The following WNT9A variants were observed in gnomAD, a reference collection of about 807,000 sequenced individuals.
WNT9A encodes the protein protein Wnt-9a.
In WNT9A, 8 loss-of-function variants were observed where a neutral mutation model predicts 31.4. That is an observed-to-expected ratio of 0.26 (90% confidence interval 0.15 to 0.46). WNT9A has a LOEUF of 0.46. Ranked by LOEUF, WNT9A falls within the 20% of genes least tolerant of loss-of-function variation. WNT9A has a pLI of 0.99. For missense variants in WNT9A, 457 were observed against 522.9 expected, an observed-to-expected ratio of 0.87 and a Z score of 1.23; for synonymous variants, 236 against 220.1, an observed-to-expected ratio of 1.07 and a Z score of -0.64.
chr1:227,925,243 G>T lies in WNT9A; in HGVS notation c.352+20C>A. 1.3e-6 allele frequency: 2 copies of T among 1,521,592 alleles called. No homozygotes were observed. The highest frequency in any genetic ancestry group is 2.4e-5 in the East Asian group (1 of 41,616). The allele number at this position is 1,521,592 out of a possible 1,614,324, so 94.3% of individuals were successfully genotyped here. ...CCACCTGTCTGGGGCCTTCCTGAGG[G>T]CCAGGCCGGCCACACTCACCTCGCT... On this transcript the variant is annotated intron_variant, in intron 2 of 3. Transcript: ENST00000272164. The surrounding 1 kb of genome is among the most constrained non-coding windows in gnomAD (Gnocchi z 6.0).
At chr1:227,924,085 C>CCCCCCCCCCTTTTT in intron 3 of WNT9A, 53 bp downstream of exon 3, 1 of 1,063,498 alleles carries the variant, frequency 9.4e-7, no homozygotes, top group Non-Finnish European at 1.3e-6. Flanking sequence ...CCCCAACCCC[C>CCCCCCCCCCTTTTT]TGACGCTCTT....
Position 227,921,759 on chromosome 1 carries a change from G to C in WNT9A, c.857C>G (p.Thr286Ser). 1 of 1,612,484 alleles carries C rather than the reference G, an allele frequency of 6.2e-7. No homozygotes were observed. The highest frequency in any genetic ancestry group is 8.5e-7 in the Non-Finnish European group (1 of 1,179,742). The change falls in exon 4 of 4, where the codon ACT becomes AGT. Residue 286 changes from threonine (T) to serine (S), a missense_variant. By Grantham distance (58) the Thr-to-Ser change is moderately conservative. Coordinates refer to ENST00000272164, the MANE Select transcript of WNT9A (RefSeq NM_003395.4). ...GTCATCCAGGTGCACCAGCTCTGGA[G>C]TGCGGGGCAGCGGGTCGCTGCCACC... is the stretch of plus-strand genomic sequence containing the variant. ...GAGGSDPLPR[T>S]PELVHLDDSP...
In WNT9A at chr1:227,926,859, G is replaced by A. The variant is rs186531275; in HGVS notation, c.96-1340C>T. ...AGTAGCTCCTGCCCAACGGTATGGA[G>A]GGGAGGGGCCCAAGAGGCTCCCTAG... is the stretch of plus-strand genomic sequence containing the variant. On this transcript the variant is annotated intron_variant, in intron 1 of 3. Coordinates refer to ENST00000272164, the MANE Select transcript of WNT9A (RefSeq NM_003395.4). This position sits in a 1 kb window ranked among gnomAD's most constrained non-coding sequence, Gnocchi z 5.0. 7.2e-5 allele frequency among the ~76,000 whole-genome samples: 11 copies of A among 152,194 alleles called. No homozygotes were observed. The highest frequency in any genetic ancestry group is 1.6e-4 in the Non-Finnish European group (11 of 67,980).
chr1:227,922,452 C>A (rs986941172), intron 3 of WNT9A, among the ~76,000 whole-genome samples: 2 of 152,236 alleles, frequency 1.3e-5, no homozygotes, highest in Admixed American at 6.5e-5. Flanking sequence ...GAGCTGACCG[C>A]AACCTCCCTA....
At position 227,924,378 on chromosome 1, in the gene WNT9A, G is replaced by T; in HGVS notation, c.375C>A (p.Leu125=). 1 of 1,611,408 alleles carries T rather than the reference G, an allele frequency of 6.2e-7. No homozygotes were observed. ...TCAGGCCAGCCGAGGAGATGGCATA[G>T]AGGAAGGCAGTCTCCTTGAAGCCTG... ...LKRGFKETAF[L]YAISSAGLTH... The change falls in exon 3 of 4, where the codon CTC becomes CTA. Residue 125 remains leucine, a synonymous_variant. Coordinates refer to ENST00000272164, the MANE Select transcript of WNT9A (RefSeq NM_003395.4).
At chr1:227,927,900 TAAG>T (rs1235872880) in intron 1 of WNT9A, among the ~76,000 whole-genome samples, 3 of 139,878 alleles carry the variant, frequency 2.1e-5, no homozygotes, top group African/African-American at 5.4e-5. Flanking sequence ...GGGAGGGCAC[TAAG>T]AAGAAGATGG....
chr1:227,943,817 A>G (rs1666751996), intron 1 of WNT9A, among the ~76,000 whole-genome samples: 2 of 152,154 alleles, frequency 1.3e-5, no homozygotes, highest in Admixed American at 6.5e-5. Flanking sequence ...TCTACAAAAA[A>G]TAAAATTTAA....
At chr1:227,936,261 T>C (rs1191424560) in intron 1 of WNT9A, among the ~76,000 whole-genome samples, 1 of 152,178 alleles carries the variant, frequency 6.6e-6, no homozygotes, top group Non-Finnish European at 1.5e-5. Context: ...CCATCTCAGA[T>C]CACTGCAACT....
chr1:227,932,378 C>G (rs987554773), intron 1 of WNT9A, among the ~76,000 whole-genome samples: 4 of 152,210 alleles, frequency 2.6e-5, no homozygotes, highest in Non-Finnish European at 5.9e-5. Flanking sequence ...ACTTCCAATT[C>G]TCATTCTCTT....
In WNT9A at chr1:227,920,230, C is replaced by T. The variant is rs1666287648; in HGVS notation, c.*1288G>A. 6.6e-6 allele frequency: 1 copy of T among 152,248 alleles called. No homozygotes were observed. Among genetic ancestry groups the T allele is most frequent in the Admixed American group, 6.5e-5 (1 of 15,280 alleles). The allele number at this position is 152,248 out of a possible 1,614,324, so 9.4% of individuals were successfully genotyped here. On this transcript the variant is annotated 3_prime_UTR_variant, in exon 4 of 4. Transcript: ENST00000272164. ...GCATGGGGCTGGGGGAGCTGGCTTC[C>T]AGAAGCCCCAAGGGCTGTGGCCAGA... is the stretch of plus-strand genomic sequence containing the variant.
rs181832577 is a variant in WNT9A, at chr1:227,942,782, C to T, written c.95+5011G>A. On this transcript the variant is annotated intron_variant, in intron 1 of 3. Coordinates refer to ENST00000272164, the MANE Select transcript of WNT9A (RefSeq NM_003395.4). The surrounding 1 kb of genome is among the most constrained non-coding windows in gnomAD (Gnocchi z 5.7). ...GGTGGGTCTCCAGGACAGTGCCTGC[C>T]CAAACCTAAGCCTGAGCTCTCAGCT... 0.01 allele frequency among the ~76,000 whole-genome samples: 1,542 copies of T among 152,284 alleles called. 26 individuals carry two copies. Among genetic ancestry groups the T allele is most frequent in the East Asian group, 0.029 (148 of 5,166 alleles).
chr1:227,947,073 G>T (rs546095663), intron 1 of WNT9A, among the ~76,000 whole-genome samples: 1 of 152,214 alleles, frequency 6.6e-6, no homozygotes, highest in African/African-American at 2.4e-5. Context: ...CTCAGAGAGG[G>T]GGAGGGAAGA....
rs568522843 is a variant in WNT9A, at chr1:227,921,713, A to G, written c.903T>C (p.Ala301=). 1.2e-6 allele frequency: 2 copies of G among 1,612,742 alleles called. No individual in the cohort carries two copies. The highest frequency in any genetic ancestry group is 1.7e-5 in the Admixed American group (1 of 59,988). The change falls in exon 4 of 4, where the codon GCT becomes GCC. Residue 301 remains alanine (A), a synonymous_variant. Coordinates refer to ENST00000272164, the MANE Select transcript of WNT9A (RefSeq NM_003395.4). Reference sequence around the variant, plus strand: ...CAGCGGTGCCCGGGGAGAAGCGGCCAGCCAGGCAGAAGCTAGGCGAGTCAT... The same window carrying G: ...CAGCGGTGCCCGGGGAGAAGCGGCCGGCCAGGCAGAAGCTAGGCGAGTCAT... ...HLDDSPSFCL[A]GRFSPGTAGR...
chr1:227,921,639 C>T lies in WNT9A; in HGVS notation c.977G>A (p.Arg326His), dbSNP rs768307025. The change falls in exon 4 of 4, where the codon CGC becomes CAC. Residue 326 changes from arginine to histidine, a missense_variant. Transcript: ENST00000272164. ...CACCCGGCTCTGTGTGTTATGGCCG[C>T]GGCCACAGCAGATGCTCTCGCAGTT... ...EKNCESICCG[R>H]GHNTQSRVVT... 7.4e-6 allele frequency: 12 copies of T among 1,613,270 alleles called. No homozygotes were observed. The highest frequency in any genetic ancestry group is 4.0e-5 in the African/African-American group (3 of 74,920).
chr1:227,938,738 C>G lies in WNT9A; in HGVS notation c.95+9055G>C, dbSNP rs1666642758. On this transcript the variant is annotated intron_variant, in intron 1 of 3. Transcript: ENST00000272164. ...CTTTAGTTGTTTCAAGCAGAAAAGC[C>G]TCTGAGTCTTGTGGGCCTGTTGCTG... Among the ~76,000 whole-genome samples, 4 of 152,280 alleles carry G rather than the reference C, an allele frequency of 2.6e-5. No individual in the cohort carries two copies. The South Asian group carries it at 8.3e-4, about 32-fold the overall frequency.
chr1:227,933,399 A>G (rs1009207188), intron 1 of WNT9A, among the ~76,000 whole-genome samples: 2 of 152,182 alleles, frequency 1.3e-5, no homozygotes, highest in African/African-American at 4.8e-5. Context: ...TTGATCTTCT[A>G]TCCAGACCAC....
chr1:227,923,622 T>C (rs1666362957), intron 3 of WNT9A, among the ~76,000 whole-genome samples: 1 of 152,164 alleles, frequency 6.6e-6, no homozygotes, highest in South Asian at 2.1e-4. Flanking sequence ...CGGAGAGGGC[T>C]GGTGGGGCAG....
Position 227,947,813 on chromosome 1 carries a change from G to C in WNT9A, c.75C>G (p.Arg25=). 9.1e-7 allele frequency: 1 copy of C among 1,099,892 alleles called. No individual in the cohort carries two copies. Among genetic ancestry groups the C allele is most frequent in the Non-Finnish European group, 1.1e-6 (1 of 903,850 alleles). The allele number at this position is 1,099,892 out of a possible 1,614,324, so 68.1% of individuals were successfully genotyped here. A position where few individuals can be genotyped will look rare whatever the true frequency, so the allele number is the denominator to read the frequency against. The change falls in exon 1 of 4, where the codon CGC becomes CGG. Residue 25 remains arginine, a synonymous_variant. Transcript: ENST00000272164. ...FGLTLLLAAL[R]PSAAYFGLTG... is the part of the protein sequence containing the mutation. ...CCTACCCGAAGTAGGCGGCCGAAGG[G>C]CGCAGCGCGGCGAGCAGCAGCGTCA...
At position 227,921,462 on chromosome 1, in the gene WNT9A, T is replaced by G; in HGVS notation, c.*56A>C. 6.4e-7 allele frequency: 1 copy of G among 1,565,094 alleles called. No individual in the cohort carries two copies. The highest frequency in any genetic ancestry group is 1.2e-5 in the South Asian group (1 of 82,020). ...CTCAGCCTGTGCAGGTGTAGACCCT[T>G]CACACCGTGTGCAATGCCTGCACCC... On this transcript the variant is annotated 3_prime_UTR_variant, in exon 4 of 4. Transcript: ENST00000272164.
Sources: allele counts gnomAD v4.1 joint callset (sites outside exome capture counted in the v4.1 genomes callset), GRCh38; gene constraint gnomAD v4.1.1; non-coding constraint Gnocchi (gnomAD v3.1); transcripts MANE v1.5; gene names NCBI Gene and HGNC (gene_info 2026-07-23, HGNC 2026-07-21).